Variants in SCARA5 observed in about 807,000 individuals in gnomAD.
SCARA5 encodes scavenger receptor class A member 5.
Under a neutral mutation model 46.3 loss-of-function variants are expected in SCARA5, and 45 were observed. The ratio of observed to expected loss-of-function variants is 0.97; its 90% CI spans 0.76 to 1.24. The LOEUF (loss-of-function observed/expected upper bound fraction) is 1.24, where lower values mean the gene tolerates loss of function less well. Ranked by LOEUF, SCARA5 falls within the 50% of genes most tolerant of loss-of-function variation. The pLI is 0.00. For missense variants in SCARA5, 680 were observed against 689.0 expected (o/e 0.99, Z 0.15); for synonymous variants, 333 against 306.5 (o/e 1.09, Z -0.90).
chr8:27,980,475 C>T (rs1808596002), intron 2 of SCARA5, among the ~76,000 whole-genome samples: 1 of 152,180 alleles, frequency 6.6e-6, no homozygotes, highest in South Asian at 2.1e-4. Flanking sequence ...CCTCACTGCC[C>T]CCATCCCTAG....
chr8:27,873,566 A>G (rs1203772570), intron 8 of SCARA5, among the ~76,000 whole-genome samples: 2 of 151,936 alleles, frequency 1.3e-5, no homozygotes, highest in Admixed American at 1.3e-4. Context: ...CCACCAGAGA[A>G]CAACCCCCTT....
At chr8:27,913,837 C>T (rs1376104464) in intron 4 of SCARA5, among the ~76,000 whole-genome samples, 1 of 152,212 alleles carries the variant, frequency 6.6e-6, no homozygotes, top group African/African-American at 2.4e-5. Context: ...TGCAAACTTA[C>T]AGCTCGGTGC....
At chr8:27,902,561 G>C (rs576313549) in intron 7 of SCARA5, among the ~76,000 whole-genome samples, 2 of 152,158 alleles carry the variant, frequency 1.3e-5, no homozygotes, top group African/African-American at 4.8e-5. Context: ...TTCCCAACAA[G>C]AGCCCCTCTG....
intron 3 of SCARA5, among the ~76,000 whole-genome samples, chr8:27,947,658 G>A (rs1434629071): frequency 2.6e-5 from 4 of 151,716 alleles, no homozygotes; most frequent in Non-Finnish European, 5.9e-5. Context: ...CAGCACTTTG[G>A]GAGGCCCAAG....
intron 1 of SCARA5, among the ~76,000 whole-genome samples, 194 bp downstream of exon 1, chr8:27,992,063 T>C (rs1808795053): frequency 2.0e-5 from 3 of 152,110 alleles, no homozygotes; most frequent in South Asian, 4.2e-4. Flanking sequence ...GCCCAGGCAG[T>C]TGGATGAGGG....
At chr8:27,887,209 C>T (rs982487317) in intron 7 of SCARA5, among the ~76,000 whole-genome samples, 7 of 152,264 alleles carry the variant, frequency 4.6e-5, no homozygotes, top group Admixed American at 2.6e-4. Flanking sequence ...TCCTCCTTGG[C>T]ATCATACCAC....
At chr8:27,899,900 G>A (rs1459172753) in intron 7 of SCARA5, among the ~76,000 whole-genome samples, 1 of 152,202 alleles carries the variant, frequency 6.6e-6, no homozygotes, top group African/African-American at 2.4e-5. Flanking sequence ...TACTTTGAGA[G>A]GCCGAGGCAG....
intron 1 of SCARA5, among the ~76,000 whole-genome samples, chr8:27,990,038 G>A (rs1242740004): frequency 6.6e-6 from 1 of 152,242 alleles, no homozygotes; most frequent in Admixed American, 6.5e-5. Context: ...GCTGCCCCTG[G>A]GGAGTGGAGG....
intron 2 of SCARA5, among the ~76,000 whole-genome samples, chr8:27,983,261 C>T (rs549913667): frequency 4.6e-5 from 7 of 152,150 alleles, no homozygotes; most frequent in African/African-American, 1.2e-4. Context: ...GGCAGGAGGG[C>T]GTGTGTGGGT....
intron 7 of SCARA5, among the ~76,000 whole-genome samples, chr8:27,899,239 G>A (rs1201391090): frequency 6.6e-6 from 1 of 152,242 alleles, no homozygotes; most frequent in Non-Finnish European, 1.5e-5. Context: ...GGTTGATTAT[G>A]TCAGAATGGA....
chr8:27,958,286 T>C (rs1712026883), intron 3 of SCARA5, among the ~76,000 whole-genome samples: 1 of 152,224 alleles, frequency 6.6e-6, no homozygotes, highest in South Asian at 2.1e-4. Context: ...AACTGGCTCT[T>C]GATCCCTCCT....
intron 7 of SCARA5, among the ~76,000 whole-genome samples, chr8:27,888,082 G>T (rs1479070675): frequency 1.3e-5 from 2 of 151,918 alleles, no homozygotes; most frequent in East Asian, 3.9e-4. Flanking sequence ...TTTGAGACAA[G>T]GTCTGGCTCT....
At chr8:27,978,502 CTTAT>C (rs369346257) in intron 2 of SCARA5, among the ~76,000 whole-genome samples, 1 of 151,496 alleles carries the variant, frequency 6.6e-6, no homozygotes, top group Non-Finnish European at 1.5e-5. Context: ...CATGGCTCAT[CTTAT>C]TTATTTATTT....
At chr8:27,969,142 T>G (rs1280963758) in intron 2 of SCARA5, among the ~76,000 whole-genome samples, 1 of 152,106 alleles carries the variant, frequency 6.6e-6, no homozygotes, top group Non-Finnish European at 1.5e-5. Context: ...CAACGACAAG[T>G]CACAAAGGCT....
At chr8:27,926,203 T>C (rs1807676999) in intron 3 of SCARA5, among the ~76,000 whole-genome samples, 1 of 152,146 alleles carries the variant, frequency 6.6e-6, no homozygotes, top group Admixed American at 6.5e-5. Context: ...AAGCCAAATG[T>C]CCATCAATGA....
At chr8:27,990,612 T>C (rs970798806) in intron 1 of SCARA5, among the ~76,000 whole-genome samples, 3 of 152,196 alleles carry the variant, frequency 2.0e-5, no homozygotes, top group African/African-American at 7.2e-5. Context: ...GGGCACTGGC[T>C]CAGCTGCAGG....
intron 5 of SCARA5, among the ~76,000 whole-genome samples, chr8:27,908,345 C>A (rs574466924): frequency 6.6e-6 from 1 of 152,166 alleles, no homozygotes; most frequent in East Asian, 1.9e-4. Flanking sequence ...CCTGCGGTGA[C>A]GGTGCCGGCG....
intron 2 of SCARA5, among the ~76,000 whole-genome samples, chr8:27,986,498 T>C (rs984512612): frequency 1.3e-5 from 2 of 152,146 alleles, no homozygotes; most frequent in Non-Finnish European, 2.9e-5. Context: ...ATCCTCAAAA[T>C]ATGTTTGTCA....
chr8:27,955,335 C>T (rs977271183), intron 3 of SCARA5, among the ~76,000 whole-genome samples: 17 of 152,212 alleles, frequency 1.1e-4, no homozygotes, highest in Admixed American at 1.3e-4. Context: ...ACCCCCAGTT[C>T]CCTGCATCCC....
Sources: allele counts gnomAD v4.1 joint callset (sites outside exome capture counted in the v4.1 genomes callset), GRCh38; gene constraint gnomAD v4.1.1; transcripts MANE v1.5; gene names NCBI Gene and HGNC (gene_info 2026-07-23, HGNC 2026-07-21).